RNF152: variants seen among roughly 807,000 people sequenced by gnomAD.
RNF152 encodes ring finger protein 152.
In RNF152, 11 loss-of-function variants were observed where a neutral mutation model predicts 12.7. The ratio of observed to expected loss-of-function variants is 0.86; its 90% CI spans 0.54 to 1.43. The LOEUF (loss-of-function observed/expected upper bound fraction) is 1.43, where lower values mean the gene tolerates loss of function less well. RNF152 is among the 40% of genes most tolerant of loss of function. The pLI, the probability that RNF152 is intolerant of heterozygous loss-of-function variation, is 0.00. For synonymous variants in RNF152, 113 were observed against 120.3 expected (o/e 0.94, Z 0.40); for missense variants, 255 against 274.8 (o/e 0.93, Z 0.51).
At chr18:61,846,171 T>A (rs546688898) in intron 1 of RNF152, among the ~76,000 whole-genome samples, 6 of 152,274 alleles carry the variant, frequency 3.9e-5, no homozygotes, top group Non-Finnish European at 7.4e-5. Context: ...TTATAGCACC[T>A]GAAAGGACAA....
chr18:61,815,773 C>CA lies in RNF152; in HGVS notation c.*78dup. 1 of 1,504,396 alleles carries CA rather than the reference C, an allele frequency of 6.6e-7. No homozygotes were observed. The highest frequency in any genetic ancestry group is 9.1e-7 in the Non-Finnish European group (1 of 1,098,094). 93.2% of individuals were successfully genotyped at this position (1,504,396 alleles called of 1,614,324 possible). On this transcript the variant is annotated 3_prime_UTR_variant, in exon 2 of 2. Coordinates refer to ENST00000312828, the MANE Select transcript of RNF152 (RefSeq NM_173557.3). ...GCACCAAATGGTCAGTGTTGCCCCC[C>CA]ATCTTCTCACTGGGATCTCATCATC...
chr18:61,856,899 AC>A (rs1198805727), intron 1 of RNF152, among the ~76,000 whole-genome samples: 1 of 152,218 alleles, frequency 6.6e-6, no homozygotes, highest in Non-Finnish European at 1.5e-5. Context: ...CATAATTATC[AC>A]AATAGTGTCA....
At chr18:61,844,138 G>GAAAGAAAGAA (rs1401596683) in intron 1 of RNF152, among the ~76,000 whole-genome samples, 1 of 127,878 alleles carries the variant, frequency 7.8e-6, no homozygotes, top group South Asian at 2.6e-4. Context: ...AAGAAAGAAA[G>GAAAGAAAGAA]AAATTAAGAG....
At position 61,857,999 on chromosome 18, in the gene RNF152, T is replaced by C. The variant is rs541016462; in HGVS notation, c.-136+34796A>G. On this transcript the variant is annotated intron_variant, in intron 1 of 1. Coordinates refer to ENST00000312828, the MANE Select transcript of RNF152 (RefSeq NM_173557.3). ...AGCTTTACGTTTGGGTCTCCTCTGC[T>C]ATAATCTATTAAAATAAATGAAGCA... Among the ~76,000 whole-genome samples, 24 of 152,320 alleles carry C rather than the reference T, an allele frequency of 1.6e-4. No individual in the cohort carries two copies. In the Middle Eastern group the frequency reaches 0.014, roughly 86 times the overall value.
intron 1 of RNF152, among the ~76,000 whole-genome samples, chr18:61,891,986 A>G (rs1468215510): frequency 2.0e-5 from 3 of 152,240 alleles, no homozygotes; most frequent in Non-Finnish European, 4.4e-5. Flanking sequence ...CTCTAGCAGA[A>G]AATGCTAATG....
chr18:61,880,365 C>T (rs547560418), intron 1 of RNF152, among the ~76,000 whole-genome samples: 1 of 152,274 alleles, frequency 6.6e-6, no homozygotes, highest in South Asian at 2.1e-4. Flanking sequence ...CTTTTGAACC[C>T]TAATCCCAGT....
At chr18:61,870,775 G>A (rs958368044) in intron 1 of RNF152, among the ~76,000 whole-genome samples, 1 of 152,084 alleles carries the variant, frequency 6.6e-6, no homozygotes, top group Non-Finnish European at 1.5e-5. Context: ...TCCAGTCCAG[G>A]CAAAACAGTT....
chr18:61,865,040 G>T (rs1021771823), intron 1 of RNF152, among the ~76,000 whole-genome samples: 3 of 152,092 alleles, frequency 2.0e-5, no homozygotes, highest in African/African-American at 7.2e-5. Context: ...AGGAGTTTAT[G>T]ATGAAAAACA....
intron 1 of RNF152, among the ~76,000 whole-genome samples, chr18:61,842,347 C>G (rs1910492165): frequency 6.6e-6 from 1 of 152,312 alleles, no homozygotes; most frequent in South Asian, 2.1e-4. Context: ...GACAGCTGAC[C>G]ACACACCAGA....
In RNF152 at chr18:61,815,864, T is replaced by C. The variant is rs1909040801; in HGVS notation, c.600A>G (p.Ile200Met). 6.2e-7 allele frequency: 1 copy of C among 1,613,994 alleles called. No individual in the cohort carries two copies. Among genetic ancestry groups the C allele is most frequent in the East Asian group, 2.2e-5 (1 of 44,882 alleles). ...MSCISKRFTV[I>M]SCG ...CCTGCAGCCCTCTTCAGCCACAGGATATCACAGTGAAGCGCTTAGAAATGC... is the reference window on the plus strand; with the variant it reads ...CCTGCAGCCCTCTTCAGCCACAGGACATCACAGTGAAGCGCTTAGAAATGC... Residue 200 changes from isoleucine (I) to methionine (M), a missense_variant, in exon 2 of 2, where the codon ATA becomes ATG. By Grantham distance (10) the Ile-to-Met change is conservative (BLOSUM62 1). Transcript: ENST00000312828.
At chr18:61,878,885 G>A (rs1912330997) in intron 1 of RNF152, among the ~76,000 whole-genome samples, 1 of 152,132 alleles carries the variant, frequency 6.6e-6, no homozygotes, top group Non-Finnish European at 1.5e-5. Flanking sequence ...AATTTTGGAG[G>A]GACACATACA....
At position 61,814,615 on chromosome 18, in the gene RNF152, C is replaced by T. The variant is rs939891800; in HGVS notation, c.*1237G>A. 1 of 152,174 alleles carries T rather than the reference C, an allele frequency of 6.6e-6. No homozygotes were observed. 9.4% of individuals were successfully genotyped at this position (152,174 alleles called of 1,614,324 possible). On this transcript the variant is annotated 3_prime_UTR_variant, in exon 2 of 2. Transcript: ENST00000312828. ...TTGAGCTGTTAGTTTACCTTGCCAC[C>T]TTTCTTGGTAAAAACGTGTTAAAAT... is the stretch of plus-strand genomic sequence containing the variant.
intron 1 of RNF152, among the ~76,000 whole-genome samples, chr18:61,852,553 T>C (rs4940532): frequency 0.15 from 23,506 of 152,156 alleles, 1,899 homozygotes; most frequent in African/African-American, 0.19. Flanking sequence ...AACATCTAGA[T>C]TGTCAGTCTT....
chr18:61,865,029 A>T (rs1257801079), intron 1 of RNF152, among the ~76,000 whole-genome samples: 3 of 152,210 alleles, frequency 2.0e-5, no homozygotes, highest in Admixed American at 2.0e-4. Context: ...TCAAAAAAAA[A>T]AGGAGTTTAT....
intron 1 of RNF152, among the ~76,000 whole-genome samples, chr18:61,839,550 A>C (rs1043179430): frequency 6.6e-6 from 1 of 152,118 alleles, no homozygotes; most frequent in African/African-American, 2.4e-5. Context: ...GTGTTGTAGT[A>C]ACTTTGATCA....
chr18:61,859,034 C>G (rs1313292524), intron 1 of RNF152, among the ~76,000 whole-genome samples: 1 of 152,142 alleles, frequency 6.6e-6, no homozygotes, highest in Non-Finnish European at 1.5e-5. Context: ...CCCTTTCTAA[C>G]CCACATGGGC....
intron 1 of RNF152, among the ~76,000 whole-genome samples, chr18:61,832,493 G>A (rs1416889584): frequency 2.6e-5 from 4 of 152,038 alleles, no homozygotes; most frequent in Non-Finnish European, 4.4e-5. Flanking sequence ...AAATAGCTAC[G>A]CATACCCTGT....
chr18:61,829,504 GAT>G (rs145928342), intron 1 of RNF152, among the ~76,000 whole-genome samples: 1 of 150,148 alleles, frequency 6.7e-6, no homozygotes, highest in Non-Finnish European at 1.5e-5. Flanking sequence ...GGGAGAGAGA[GAT>G]ATATATATAT....
In RNF152 at chr18:61,813,510, C is replaced by G. The variant is rs974029865; in HGVS notation, c.*2342G>C. Reference sequence around the variant, plus strand: ...TTGCACTGCTTAATGGCAACTCTAGCATGGGATTGTTTTTAAGTAAAAGTT... The same window carrying G: ...TTGCACTGCTTAATGGCAACTCTAGGATGGGATTGTTTTTAAGTAAAAGTT... On this transcript the variant is annotated 3_prime_UTR_variant, in exon 2 of 2. Transcript: ENST00000312828. 1 of 152,182 alleles carries G rather than the reference C, an allele frequency of 6.6e-6. No homozygotes were observed. Among genetic ancestry groups the G allele is most frequent in the African/African-American group, 2.4e-5 (1 of 41,448 alleles). The allele number at this position is 152,182 out of a possible 1,614,324, so 9.4% of individuals were successfully genotyped here.
Sources: gnomAD v4.1 joint callset for allele counts (sites outside exome capture counted in the v4.1 genomes callset) on GRCh38, gnomAD v4.1.1 for gene constraint, MANE v1.5 for transcripts, NCBI Gene and HGNC (gene_info 2026-07-23, HGNC 2026-07-21) for gene names.